Variants in UGT1A10 observed in about 807,000 individuals in gnomAD.
UGT1A10 encodes UDP-glucuronosyltransferase 1A10.
UGT1A10 carries 49 observed loss-of-function variants against 45.8 expected under a neutral mutation model. That is an observed-to-expected ratio of 1.07 (90% CI 0.85 to 1.36). UGT1A10 has a LOEUF of 1.36. UGT1A10 is among the 40% of genes most tolerant of loss of function. The pLI, the probability that UGT1A10 is intolerant of heterozygous loss-of-function variation, is 0.00. For missense variants in UGT1A10, 745 were observed against 668.6 expected (o/e 1.11, Z -1.26); for synonymous variants, 284 against 249.7 (o/e 1.14, Z -1.29).
chr2:233,648,730 C>G, intron 1 of UGT1A10: 1 of 511,036 alleles, frequency 2.0e-6, no homozygotes, highest in Non-Finnish European at 3.4e-6. Context: ...TCCCAAAGTG[C>G]TGGAATTACA....
chr2:233,741,715 A>AG (rs2125837750), intron 1 of UGT1A10: 1 of 152,002 alleles, frequency 6.6e-6, no homozygotes, highest in African/African-American at 2.4e-5. Context: ...TGAGGGTTCT[A>AG]GAGCATATCC....
At chr2:233,663,607 A>G (rs968166157) in intron 1 of UGT1A10, among the ~76,000 whole-genome samples, 6 of 152,126 alleles carry the variant, frequency 3.9e-5, no homozygotes, top group Admixed American at 1.3e-4. Flanking sequence ...ATAATTTCTA[A>G]TCTTGTGGCT....
In UGT1A10 at chr2:233,644,295, C is replaced by T. The variant is rs112205434; in HGVS notation, c.855+6918C>T. Among the ~76,000 whole-genome samples, 309 of 152,276 alleles carry T rather than the reference C, an allele frequency of 2.0e-3. 1 individual carries two copies. The highest frequency in any genetic ancestry group is 6.8e-3 in the Middle Eastern group (2 of 294). ...TTAAATGCTCCCTCAATGCTGGGCACGGTGGCTCATGCCTGTAATCCCAGC... is the reference window on the plus strand; with the variant it reads ...TTAAATGCTCCCTCAATGCTGGGCATGGTGGCTCATGCCTGTAATCCCAGC... On this transcript the variant is annotated intron_variant, in intron 1 of 4. Coordinates refer to ENST00000344644, the MANE Select transcript of UGT1A10 (RefSeq NM_019075.4).
rs1222829087 is a variant in UGT1A10, at chr2:233,767,177, C to G, written c.987+12C>G. 1 of 1,614,030 alleles carries G rather than the reference C, an allele frequency of 6.2e-7. No individual in the cohort carries two copies. Among genetic ancestry groups the G allele is most frequent in the South Asian group, 1.1e-5 (1 of 91,054 alleles). ...AAATCCCTCAGACAGTAAGAAGATT[C>G]TATACCATGGCCTCATATCTATTTT... On this transcript the variant is annotated intron_variant, in intron 2 of 4. Coordinates refer to ENST00000344644, the MANE Select transcript of UGT1A10 (RefSeq NM_019075.4).
At chr2:233,682,789 T>C (rs2074599718) in intron 1 of UGT1A10, 1 of 1,611,570 alleles carries the variant, frequency 6.2e-7, no homozygotes, top group Non-Finnish European at 8.5e-7. Context: ...AGCCAGTGCC[T>C]ATGGTAAGTT....
intron 1 of UGT1A10, chr2:233,747,072 T>G: frequency 9.8e-7 from 1 of 1,024,480 alleles, no homozygotes; most frequent in South Asian, 1.7e-5. Flanking sequence ...TCGGTAATAA[T>G]TAACTAGGAG....
chr2:233,755,009 G>A (rs1198421851), intron 1 of UGT1A10: 5 of 1,292,374 alleles, frequency 3.9e-6, no homozygotes, highest in East Asian at 4.6e-5. Context: ...AGACCTACTC[G>A]AAGGGGTCCT....
intron 1 of UGT1A10, among the ~76,000 whole-genome samples, chr2:233,702,670 T>C (rs1481483329): frequency 6.6e-6 from 1 of 152,212 alleles, no homozygotes; most frequent in African/African-American, 2.4e-5. Flanking sequence ...ATTCTTATCA[T>C]ACCTGAGGTG....
chr2:233,704,198 A>G (rs1008604482), intron 1 of UGT1A10, among the ~76,000 whole-genome samples: 1 of 137,780 alleles, frequency 7.3e-6, no homozygotes, highest in Non-Finnish European at 1.6e-5. Flanking sequence ...GCCCCATTTT[A>G]CTTTTTATGC....
rs545970311 is a variant in UGT1A10, at chr2:233,731,854, C to T, written c.856-35180C>T. On this transcript the variant is annotated intron_variant, in intron 1 of 4. Coordinates refer to ENST00000344644, the MANE Select transcript of UGT1A10 (RefSeq NM_019075.4). The stretch of plus-strand genomic sequence containing the variant: ...TTCTAGTTCTAGGTCCTTGAGGAAT[C>T]GCCACACTGTCTTCCACAATGGTTG... 1.3e-4 allele frequency among the ~76,000 whole-genome samples: 20 copies of T among 152,300 alleles called. No individual in the cohort carries two copies. The East Asian group carries it at 2.7e-3, about 21-fold the overall frequency.
chr2:233,707,423 C>T (rs1388358348), intron 1 of UGT1A10, among the ~76,000 whole-genome samples: 1 of 151,946 alleles, frequency 6.6e-6, no homozygotes, highest in Non-Finnish European at 1.5e-5. Context: ...TCGACTATTT[C>T]TTTGCTTTTC....
chr2:233,722,960 A>G (rs932052619), intron 1 of UGT1A10, among the ~76,000 whole-genome samples: 1 of 141,792 alleles, frequency 7.1e-6, no homozygotes, highest in African/African-American at 2.6e-5. Context: ...GAGGAGGAGG[A>G]AGGGGAGGGA....
At chr2:233,718,400 G>C (rs565525748) in intron 1 of UGT1A10, among the ~76,000 whole-genome samples, 7 of 152,362 alleles carry the variant, frequency 4.6e-5, no homozygotes, top group Admixed American at 3.9e-4. Flanking sequence ...TTAGCAAATA[G>C]CGTCACATTC....
At chr2:233,770,026 C>T (rs371960443) in intron 4 of UGT1A10, 2 of 158,948 alleles carry the variant, frequency 1.3e-5, no homozygotes, top group South Asian at 1.9e-4. Flanking sequence ...TTTCCCTGCA[C>T]TGTTGAAGCT....
rs1311139649 is a variant in UGT1A10, at chr2:233,745,502, A to G, written c.856-21532A>G. 2.0e-5 allele frequency among the ~76,000 whole-genome samples: 3 copies of G among 151,662 alleles called. 1 individual carries two copies. The highest frequency in any genetic ancestry group is 7.3e-5 in the African/African-American group (3 of 40,986). On this transcript the variant is annotated intron_variant, in intron 1 of 4. Coordinates refer to ENST00000344644, the MANE Select transcript of UGT1A10 (RefSeq NM_019075.4). ...ACCAAAGAACATTCTAAGATTTCCT[A>G]TAGGGTATTAGGTCTAATGGGGATG...
chr2:233,736,822 C>T (rs1336018032), intron 1 of UGT1A10, among the ~76,000 whole-genome samples: 1 of 152,216 alleles, frequency 6.6e-6, no homozygotes, highest in Non-Finnish European at 1.5e-5. Flanking sequence ...ACTCCAGATG[C>T]TCTTTGCTTT....
intron 1 of UGT1A10, chr2:233,747,572 A>G (rs968411318): frequency 5.2e-5 from 82 of 1,588,740 alleles, no homozygotes; most frequent in Non-Finnish European, 6.5e-5. Context: ...TGAAAAATTC[A>G]TCTTTGGTCT....
intron 1 of UGT1A10, chr2:233,690,737 C>G: frequency 8.3e-7 from 1 of 1,207,142 alleles, no homozygotes; most frequent in Non-Finnish European, 1.0e-6. Flanking sequence ...CCAGATTCCT[C>G]TGGCTAGTGT....
intron 1 of UGT1A10, 98 bp from the exon 2 acceptor site, chr2:233,766,936 A>C: frequency 6.3e-7 from 1 of 1,586,086 alleles, no homozygotes; most frequent in Admixed American, 1.8e-5. Flanking sequence ...GCCTTTAATC[A>C]TAGTCTTAAG....
Sources: allele counts gnomAD v4.1 joint callset (sites outside exome capture counted in the v4.1 genomes callset), GRCh38; gene constraint gnomAD v4.1.1; transcripts MANE v1.5; gene names NCBI Gene and HGNC (gene_info 2026-07-23, HGNC 2026-07-21).